The following PTPRD variants were observed in gnomAD, a reference collection of about 807,000 sequenced individuals.
The protein encoded by PTPRD is receptor-type tyrosine-protein phosphatase delta.
In PTPRD, 34 loss-of-function variants were observed where a neutral mutation model predicts 214.5. That is an observed-to-expected ratio of 0.16 (90% confidence interval 0.12 to 0.21). PTPRD has a LOEUF of 0.21. PTPRD is among the 10% of genes least tolerant of loss of function. The pLI is 1.00. For missense variants in PTPRD, 2,545 were observed against 2,398.7 expected (o/e 1.06, Z -1.27); for synonymous variants, 1,128 against 845.7 (o/e 1.33, Z -5.79).
chr9:8,389,444 C>A (rs2088590811), intron 36 of PTPRD, 37 bp from the exon 37 acceptor site: 2 of 1,551,222 alleles, frequency 1.3e-6, no homozygotes, highest in Admixed American at 1.8e-5. Context: ...CAGGTGAGCA[C>A]ATCACAAGAG....
intron 3 of PTPRD, among the ~76,000 whole-genome samples, chr9:10,272,875 T>C (rs989494545): frequency 6.6e-6 from 1 of 152,234 alleles, no homozygotes; most frequent in Admixed American, 6.5e-5. Context: ...GACTTTTATC[T>C]TAACTTTTAA....
At chr9:10,099,976 T>A (rs768276781) in intron 3 of PTPRD, among the ~76,000 whole-genome samples, 2 of 151,752 alleles carry the variant, frequency 1.3e-5, no homozygotes, top group African/African-American at 4.8e-5. Context: ...ATCCAGCATA[T>A]ATAAACATGT....
At chr9:8,699,880 T>G (rs2098032858) in intron 12 of PTPRD, among the ~76,000 whole-genome samples, 1 of 152,208 alleles carries the variant, frequency 6.6e-6, no homozygotes, top group African/African-American at 2.4e-5. Flanking sequence ...CCCATTGTGA[T>G]AAGGGCAAAA....
chr9:10,205,746 T>C (rs1393041520), intron 3 of PTPRD, among the ~76,000 whole-genome samples: 1 of 152,166 alleles, frequency 6.6e-6, no homozygotes, highest in African/African-American at 2.4e-5. Context: ...TCATTGGTAA[T>C]TGATTTGAAA....
intron 14 of PTPRD, among the ~76,000 whole-genome samples, chr9:8,576,337 A>G (rs1341137075): frequency 6.6e-6 from 1 of 152,172 alleles, no homozygotes; most frequent in African/African-American, 2.4e-5. Flanking sequence ...TTTAAGGCAG[A>G]CTTCCAAATA....
At chr9:10,523,622 T>TATATATATATATATATATATATATAG (rs554367559) in intron 2 of PTPRD, among the ~76,000 whole-genome samples, 1 of 131,388 alleles carries the variant, frequency 7.6e-6, no homozygotes, top group Non-Finnish European at 1.6e-5. Flanking sequence ...TATATATATA[T>TATATATATATATATATATATATATAG]AGACAGAAAG....
chr9:9,683,588 A>G (rs182716568), intron 7 of PTPRD, among the ~76,000 whole-genome samples: 102 of 151,848 alleles, frequency 6.7e-4, no homozygotes, highest in African/African-American at 2.4e-3. Context: ...GAAAAAGGGG[A>G]CTAATAAGAA....
At chr9:8,646,673 G>A (rs569993272) in intron 12 of PTPRD, among the ~76,000 whole-genome samples, 4 of 151,920 alleles carry the variant, frequency 2.6e-5, no homozygotes, top group East Asian at 1.9e-4. Context: ...CCCCTATCAC[G>A]CTTTCTGTAT....
intron 39 of PTPRD, among the ~76,000 whole-genome samples, chr9:8,357,696 T>G (rs769862910): frequency 5.9e-5 from 9 of 152,138 alleles, no homozygotes; most frequent in Non-Finnish European, 1.3e-4. Flanking sequence ...GGCCAATAAA[T>G]GCTTCTCTTT....
intron 7 of PTPRD, among the ~76,000 whole-genome samples, chr9:9,716,768 A>C (rs1369941870): frequency 6.6e-6 from 1 of 152,028 alleles, no homozygotes; most frequent in Non-Finnish European, 1.5e-5. Context: ...TCAGATGAGT[A>C]GGTTGCAAAA....
At chr9:9,238,819 C>A (rs2099968722) in intron 9 of PTPRD, among the ~76,000 whole-genome samples, 1 of 152,120 alleles carries the variant, frequency 6.6e-6, no homozygotes, top group Non-Finnish European at 1.5e-5. Flanking sequence ...AACTGAAAAT[C>A]CACGTATCTG....
chr9:10,099,842 T>A (rs973139935), intron 3 of PTPRD, among the ~76,000 whole-genome samples: 2 of 151,664 alleles, frequency 1.3e-5, no homozygotes, highest in Non-Finnish European at 3.0e-5. Context: ...AAAAAAAGAT[T>A]CGGAGACATT....
intron 35 of PTPRD, among the ~76,000 whole-genome samples, chr9:8,431,809 C>T (rs962224371): frequency 2.6e-5 from 4 of 152,128 alleles, no homozygotes; most frequent in Non-Finnish European, 5.9e-5. Flanking sequence ...TGTGTCTCTG[C>T]CAGGTTTTGG....
intron 8 of PTPRD, among the ~76,000 whole-genome samples, chr9:9,504,451 C>A (rs2096523970): frequency 6.6e-6 from 1 of 151,614 alleles, no homozygotes; most frequent in South Asian, 2.1e-4. Context: ...TAAGCCATAT[C>A]CCCAACACAC....
intron 39 of PTPRD, among the ~76,000 whole-genome samples, chr9:8,343,861 G>A (rs1021853974): frequency 6.6e-6 from 1 of 151,972 alleles, no homozygotes; most frequent in Non-Finnish European, 1.5e-5. Flanking sequence ...AGCCCGTCCC[G>A]GTAAGGTAAG....
intron 16 of PTPRD, 111 bp downstream of exon 16, chr9:8,527,234 C>A: frequency 8.6e-7 from 1 of 1,166,726 alleles, no homozygotes; most frequent in Non-Finnish European, 1.2e-6. Flanking sequence ...GATCTGGTGT[C>A]TACACTGACA....
intron 12 of PTPRD, among the ~76,000 whole-genome samples, chr9:8,642,239 A>G (rs1226509714): frequency 6.6e-6 from 1 of 152,220 alleles, no homozygotes; most frequent in Non-Finnish European, 1.5e-5. Context: ...ATCTAATTTA[A>G]TTCTAATTAA....
At chr9:10,476,193 T>A (rs945421951) in intron 2 of PTPRD, among the ~76,000 whole-genome samples, 1 of 152,166 alleles carries the variant, frequency 6.6e-6, no homozygotes, top group African/African-American at 2.4e-5. Context: ...GAAGTCAAAT[T>A]GTCTCTGTTT....
At chr9:9,785,289 G>C (rs1265570771) in intron 5 of PTPRD, among the ~76,000 whole-genome samples, 1 of 151,910 alleles carries the variant, frequency 6.6e-6, no homozygotes, top group Non-Finnish European at 1.5e-5. Flanking sequence ...GGGTGAAGCA[G>C]GATATTTGCA....
Sources: gnomAD v4.1 joint callset for allele counts (sites outside exome capture counted in the v4.1 genomes callset) on GRCh38, gnomAD v4.1.1 for gene constraint, MANE v1.5 for transcripts, NCBI Gene and HGNC (gene_info 2026-07-23, HGNC 2026-07-21) for gene names.